Variants in MTA3 observed in about 807,000 individuals in gnomAD.
The protein encoded by MTA3 is metastasis associated 1 family member 3.
In MTA3, 34 loss-of-function variants were observed where a neutral mutation model predicts 83.5. The ratio of observed to expected loss-of-function variants is 0.41; its 90% CI spans 0.31 to 0.54. The LOEUF is 0.54. MTA3 is among the 20% of genes least tolerant of loss of function. MTA3 has a pLI of 0.33. For missense variants in MTA3, 761 were observed against 726.4 expected (o/e 1.05, Z -0.55); for synonymous variants, 303 against 252.7 (o/e 1.20, Z -1.89).
intron 2 of MTA3, among the ~76,000 whole-genome samples, chr2:42,515,137 C>G (rs13403651): frequency 0.46 from 69,916 of 151,772 alleles, 16,620 homozygotes; most frequent in African/African-American, 0.56. Context: ...CGGCTCACTG[C>G]CAGCTCTGCC....
intron 16 of MTA3, among the ~76,000 whole-genome samples, chr2:42,753,067 AG>A (rs767106656): frequency 3.9e-5 from 6 of 152,084 alleles, no homozygotes; most frequent in Non-Finnish European, 8.8e-5. Context: ...CTGGGACTAC[AG>A]GCATGCACCA....
At chr2:42,561,293 A>G (rs1362902397) in intron 2 of MTA3, among the ~76,000 whole-genome samples, 1 of 150,794 alleles carries the variant, frequency 6.6e-6, no homozygotes, top group African/African-American at 2.4e-5. Context: ...AACATTCATC[A>G]TTCTATACTA....
At chr2:42,609,666 C>T (rs576363982) in intron 4 of MTA3, 82 bp downstream of exon 4, 6 of 1,448,702 alleles carry the variant, frequency 4.1e-6, no homozygotes, top group African/African-American at 1.4e-5. Flanking sequence ...TTTCCAGACT[C>T]TTCTCAGGAT....
intron 3 of MTA3, among the ~76,000 whole-genome samples, chr2:42,594,787 C>CGTGGT (rs1436658946): frequency 3.1e-4 from 40 of 128,792 alleles, no homozygotes; most frequent in South Asian, 7.8e-4. Flanking sequence ...AGTCCAGTGG[C>CGTGGT]GCGATCTCAG....
chr2:42,753,401 C>A lies in MTA3; in HGVS notation c.*2C>A. ...CTCACGTGCTGTGTGTCAGACTGAGCTTTCCCTGATTCATTCTACAATCCA... is the reference window on the plus strand; with the variant it reads ...CTCACGTGCTGTGTGTCAGACTGAGATTTCCCTGATTCATTCTACAATCCA... On this transcript the variant is annotated 3_prime_UTR_variant, in exon 17 of 17. Transcript: ENST00000405094. 9 of 1,550,626 alleles carry A rather than the reference C, an allele frequency of 5.8e-6. No homozygotes were observed. Among genetic ancestry groups the A allele is most frequent in the Non-Finnish European group, 7.8e-6 (9 of 1,146,986 alleles).
At chr2:42,562,828 A>G (rs1346255778) in intron 2 of MTA3, among the ~76,000 whole-genome samples, 1 of 152,120 alleles carries the variant, frequency 6.6e-6, no homozygotes, top group Non-Finnish European at 1.5e-5. Flanking sequence ...ACTGTTTCCC[A>G]AAGAGAAGAC....
intron 16 of MTA3, among the ~76,000 whole-genome samples, chr2:42,724,566 C>T (rs1031669674): frequency 3.3e-5 from 5 of 150,714 alleles, no homozygotes; most frequent in Admixed American, 6.6e-5. Flanking sequence ...ATCGATTGAG[C>T]CCAGGAGGTC....
In MTA3 at chr2:42,743,848, A is replaced by G. The variant is rs1163381301; in HGVS notation, c.1760-9526A>G. On this transcript the variant is annotated intron_variant, in intron 16 of 16. Transcript: ENST00000405094. ...TGCTCTCTTCACGAATTCCAAAAAA[A>G]ATAGACTGCCAGGGACAGCTGATGG... 2.6e-5 allele frequency among the ~76,000 whole-genome samples: 4 copies of G among 152,170 alleles called. No homozygotes were observed. In the East Asian group the frequency reaches 5.8e-4, roughly 22 times the overall value.
intron 8 of MTA3, among the ~76,000 whole-genome samples, chr2:42,663,995 T>G (rs2104385617): frequency 6.6e-6 from 1 of 152,310 alleles, no homozygotes; most frequent in African/African-American, 2.4e-5. Context: ...TTTGTCATGT[T>G]TGTATAGCTG....
At chr2:42,648,484 C>T (rs1270927133) in intron 6 of MTA3, among the ~76,000 whole-genome samples, 1 of 152,212 alleles carries the variant, frequency 6.6e-6, no homozygotes, top group African/African-American at 2.4e-5. Flanking sequence ...GGATATGTTA[C>T]AGGCTTGCTT....
In MTA3 at chr2:42,625,562, C is replaced by T. The variant is rs536227818; in HGVS notation, c.318-14611C>T. On this transcript the variant is annotated intron_variant, in intron 4 of 16. Coordinates refer to ENST00000405094, the MANE Select transcript of MTA3 (RefSeq NM_001330442.2). ...GAGATTGAGACCATCCTGGCTAACA[C>T]GGTGAAACCCCGTCTCTACTAAAAA... is the stretch of plus-strand genomic sequence containing the variant. Among the ~76,000 whole-genome samples, 35 of 149,974 alleles carry T rather than the reference C, an allele frequency of 2.3e-4. 1 individual carries two copies. The East Asian group carries it at 6.1e-3, about 26-fold the overall frequency.
chr2:42,525,623 C>CT (rs1553337698), intron 2 of MTA3, among the ~76,000 whole-genome samples: 45,606 of 137,730 alleles, frequency 0.33, 7,813 homozygotes, highest in South Asian at 0.37. Flanking sequence ...TCCTTCCTTC[C>CT]TACTTTCTTT....
chr2:42,541,118 G>A (rs544753582), intron 2 of MTA3, among the ~76,000 whole-genome samples: 8 of 150,436 alleles, frequency 5.3e-5, no homozygotes, highest in Non-Finnish European at 8.8e-5. Context: ...CGCAACCTCC[G>A]CCTCCCAGGT....
intron 4 of MTA3, among the ~76,000 whole-genome samples, chr2:42,638,835 A>C (rs369565729): frequency 1.9e-4 from 29 of 152,086 alleles, no homozygotes; most frequent in South Asian, 6.2e-4. Context: ...ACATGCTCTC[A>C]AAGAAAGCTT....
intron 15 of MTA3, 150 bp downstream of exon 15, chr2:42,719,224 A>G (rs1667237875): frequency 3.4e-6 from 2 of 590,520 alleles, no homozygotes; most frequent in Admixed American, 5.8e-5. Flanking sequence ...ATTTTGTTTC[A>G]GAAACTTTTA....
At chr2:42,735,351 G>A (rs1182362237) in intron 16 of MTA3, among the ~76,000 whole-genome samples, 8 of 152,074 alleles carry the variant, frequency 5.3e-5, no homozygotes, top group Non-Finnish European at 8.8e-5. Flanking sequence ...GATCTCCTTT[G>A]TATGATATTT....
chr2:42,580,572 A>T (rs1161272061), intron 3 of MTA3, among the ~76,000 whole-genome samples: 8 of 151,812 alleles, frequency 5.3e-5, no homozygotes, highest in Admixed American at 5.3e-4. Context: ...GGGTTTCACC[A>T]TGTTGGTCAG....
chr2:42,511,400 T>C (rs556001845), intron 2 of MTA3, among the ~76,000 whole-genome samples: 29 of 150,988 alleles, frequency 1.9e-4, no homozygotes, highest in African/African-American at 5.1e-4. Context: ...TACTCTGAGA[T>C]ACATGTTCTC....
At position 42,755,471 on chromosome 2, in the gene MTA3, A is replaced by G; in HGVS notation, c.*2072A>G. ...TGACATTTGGCTTTGGGAAAAGCGCAGCTTGTTCGAGCCACGTGTGCCAAG... is the reference window on the plus strand; with the variant it reads ...TGACATTTGGCTTTGGGAAAAGCGCGGCTTGTTCGAGCCACGTGTGCCAAG... On this transcript the variant is annotated 3_prime_UTR_variant, in exon 17 of 17. Coordinates refer to ENST00000405094, the MANE Select transcript of MTA3 (RefSeq NM_001330442.2). 11 of 985,486 alleles carry G rather than the reference A, an allele frequency of 1.1e-5. No individual in the cohort carries two copies. Among genetic ancestry groups the G allele is most frequent in the Non-Finnish European group, 1.3e-5 (11 of 829,972 alleles). 61.0% of individuals were successfully genotyped at this position (985,486 alleles called of 1,614,324 possible).
Sources: gnomAD v4.1 joint callset for allele counts (sites outside exome capture counted in the v4.1 genomes callset) on GRCh38, gnomAD v4.1.1 for gene constraint, MANE v1.5 for transcripts, NCBI Gene and HGNC (gene_info 2026-07-23, HGNC 2026-07-21) for gene names.